The following VPS13A variants were observed in gnomAD, a reference collection of about 807,000 sequenced individuals.
VPS13A encodes intermembrane lipid transfer protein VPS13A.
Under a neutral mutation model 390.9 loss-of-function variants are expected in VPS13A, and 264 were observed. That is an observed-to-expected ratio of 0.68 (90% CI 0.61 to 0.75). VPS13A has a LOEUF of 0.75. Ranked by LOEUF, VPS13A falls within the 30% of genes least tolerant of loss-of-function variation. The probability of loss-of-function intolerance (pLI) is 0.00; values close to 1 mark genes in which losing one functional copy is unlikely to be tolerated. For synonymous variants in VPS13A, 1,231 were observed against 1,227.1 expected, an observed-to-expected ratio of 1.00 and a Z score of -0.07; for missense variants, 3,409 against 3,733.9, an observed-to-expected ratio of 0.91 and a Z score of 2.27.
At chr9:77,282,408 G>A (rs1827091481) in intron 29 of VPS13A, 134 bp downstream of exon 29, 1 of 802,176 alleles carries the variant, frequency 1.2e-6, no homozygotes, top group African/African-American at 1.8e-5. Context: ...TATCTAGAAG[G>A]ATTCATTATA....
In VPS13A at chr9:77,302,888, T is replaced by G. The variant is rs761909538; in HGVS notation, c.3813-27T>G. The G allele has an allele frequency of 2.5e-6, 4 of 1,604,022 alleles. No individual in the cohort carries two copies. In the South Asian group the frequency reaches 4.4e-5, roughly 18 times the overall value. On this transcript the variant is annotated intron_variant, in intron 33 of 71. Transcript: ENST00000360280. ...ACTACCTGAATGTATATGAAACAAT[T>G]TAAAAGAATGTTATCTCTACTTATA...
rs772519124 is a variant in VPS13A at position 77,321,729 on chromosome 9, T to C, written c.5813T>C (p.Leu1938Pro). ...FNAMTSLSSK[L>P]FFILLTPVNH... The stretch of plus-strand genomic sequence containing the variant: ...GCAATGACCAGCCTAAGCAGCAAAC[T>C]CTTCTTCATTCTTCTTAGTAAGTAG... The change falls in exon 44 of 72, where the codon CTC (leucine) becomes CCC (proline). Residue 1938 changes from leucine to proline, a missense_variant. Physicochemically the swap from Leu to Pro is moderately conservative, Grantham distance 98. Around this residue, in one of 5 missense-constraint regions of VPS13A, gnomAD observed 2,717 missense variants for 2,917.4 expected, o/e 0.93. Transcript: ENST00000360280. The C allele has an allele frequency of 3.1e-6, 5 of 1,613,206 alleles. No homozygotes were observed. The highest frequency in any genetic ancestry group is 4.2e-6 in the Non-Finnish European group (5 of 1,179,416).
In VPS13A at chr9:77,382,532, GTACT is replaced by G. The variant is rs1446372622; in HGVS notation, c.9189+452_9189+455del. ...ACCTTATGTATCCTCGTCATTGGTGGTACTTACTTAACCAATTAAACCATTTCTG... is the reference window on the plus strand; with the variant it reads ...ACCTTATGTATCCTCGTCATTGGTGGTACTTAACCAATTAAACCATTTCTG... On this transcript the variant is annotated intron_variant, in intron 68 of 71. Coordinates refer to ENST00000360280, the MANE Select transcript of VPS13A (RefSeq NM_033305.3). The G allele has an allele frequency of 6.6e-6, 8 of 1,217,844 alleles. No homozygotes were observed. In the African/African-American group the frequency reaches 7.9e-5, roughly 12 times the overall value. 75.4% of individuals were successfully genotyped at this position (1,217,844 alleles called of 1,614,324 possible).
intron 5 of VPS13A, among the ~76,000 whole-genome samples, chr9:77,209,158 G>T (rs1240232337): frequency 6.6e-6 from 1 of 152,068 alleles, no homozygotes; most frequent in East Asian, 1.9e-4. Flanking sequence ...ATATATTTTT[G>T]TACTCAGGCA....
chr9:77,273,191 A>T (rs1021941280), intron 23 of VPS13A, 89 bp from the exon 24 acceptor site: 1 of 1,016,234 alleles, frequency 9.8e-7, no homozygotes. Context: ...TTTTGTCAAA[A>T]CTGTTGTAGA....
In VPS13A at chr9:77,340,265, C is replaced by T. The variant is rs755473371; in HGVS notation, c.6862C>T (p.Leu2288=). The T allele has an allele frequency of 8.1e-6, 13 of 1,612,958 alleles. No homozygotes were observed. The highest frequency in any genetic ancestry group is 1.3e-5 in the African/African-American group (1 of 74,852). Residue 2288 remains leucine, a synonymous_variant, in exon 49 of 72, where the codon CTG becomes TTG. Transcript: ENST00000360280. ...GSHGAVKCKG[L]KMDYQVGVTI... ...TCATGGAGCTGTTAAATGTAAAGGC[C>T]TGAAAATGGACTATCAAGTGAGTTC...
intron 58 of VPS13A, 98 bp downstream of exon 58, chr9:77,359,500 A>C (rs1832017795): frequency 9.1e-7 from 1 of 1,102,780 alleles, no homozygotes; most frequent in Non-Finnish European, 1.3e-6. Context: ...TCAAAGATTT[A>C]AGCATAAAAT....
intron 26 of VPS13A, among the ~76,000 whole-genome samples, chr9:77,277,631 C>G (rs1476165460): frequency 2.0e-5 from 3 of 152,166 alleles, no homozygotes; most frequent in Non-Finnish European, 4.4e-5. Context: ...TTTAGTGTCT[C>G]CATAGTTTTA....
At chr9:77,230,225 A>G (rs190949552) in intron 17 of VPS13A, among the ~76,000 whole-genome samples, 30 of 151,560 alleles carry the variant, frequency 2.0e-4, no homozygotes, top group Non-Finnish European at 4.0e-4. Context: ...TTTTCTTTTT[A>G]TTTTTCTTAA....
chr9:77,260,351 CTTTTTTTTT>C (rs750675055), intron 23 of VPS13A, 127 bp downstream of exon 23: 46 of 376,272 alleles, frequency 1.2e-4, no homozygotes, highest in Middle Eastern at 9.9e-4. Context: ...AAGAAAATTA[CTTTTTTTTT>C]TTTTTTTTTT....
rs137925974 is a variant in VPS13A, at chr9:77,270,965, A to G, written c.2428-2315A>G. 3.3e-5 allele frequency among the ~76,000 whole-genome samples: 5 copies of G among 152,336 alleles called. No individual in the cohort carries two copies. In the East Asian group the frequency reaches 5.8e-4, roughly 18 times the overall value. On this transcript the variant is annotated intron_variant, in intron 23 of 71. Transcript: ENST00000360280. ...TCCTTGCAGTAGGTAAAGATACCTT[A>G]GGATATAAAAAGCGCAAATATAACA...
chr9:77,291,746 A>G (rs1362530948), intron 31 of VPS13A, among the ~76,000 whole-genome samples: 7 of 152,244 alleles, frequency 4.6e-5, no homozygotes, highest in South Asian at 2.1e-4. Context: ...GGAGAAGGCA[A>G]GGTGGTTTGG....
intron 54 of VPS13A, among the ~76,000 whole-genome samples, chr9:77,355,588 A>G (rs1831729040): frequency 6.6e-6 from 1 of 152,196 alleles, no homozygotes; most frequent in Admixed American, 6.5e-5. Flanking sequence ...CCAACTGTGC[A>G]TGCAAAATCT....
chr9:77,201,050 A>G (rs1825304799), intron 2 of VPS13A, among the ~76,000 whole-genome samples: 1 of 152,162 alleles, frequency 6.6e-6, no homozygotes. Context: ...ATAAAATGAC[A>G]TTGTAATTGC....
chr9:77,316,508 C>T, intron 39 of VPS13A, 102 bp downstream of exon 39: 1 of 951,696 alleles, frequency 1.1e-6, no homozygotes. Context: ...CAACCTTGCT[C>T]TGTAAAATGT....
chr9:77,409,044 C>G (rs932425843), intron 71 of VPS13A, among the ~76,000 whole-genome samples: 6 of 152,304 alleles, frequency 3.9e-5, no homozygotes, highest in East Asian at 1.9e-4. Context: ...GAGGCACCCC[C>G]CAAGTAGGGG....
chr9:77,315,339 C>G lies in VPS13A; in HGVS notation c.4499C>G (p.Ala1500Gly), dbSNP rs912150723. ...GTCAGAGATGGTTGTGTGACTGATGCGGTCTTTCAAGAAATGTATATTTGT... is the reference window on the plus strand; with the variant it reads ...GTCAGAGATGGTTGTGTGACTGATGGGGTCTTTCAAGAAATGTATATTTGT... ...RKVRDGCVTD[A>G]VFQEMYICAS... Residue 1500 changes from alanine (A) to glycine (G), a missense_variant, in exon 38 of 72, where the codon GCG becomes GGG. By Grantham distance (60) the Ala-to-Gly change is moderately conservative (BLOSUM62 0). Around this residue, in one of 5 missense-constraint regions of VPS13A, gnomAD observed 2,717 missense variants for 2,917.4 expected, o/e 0.93. Coordinates refer to ENST00000360280, the MANE Select transcript of VPS13A (RefSeq NM_033305.3). 7.4e-6 allele frequency: 12 copies of G among 1,613,872 alleles called. No homozygotes were observed. The highest frequency in any genetic ancestry group is 1.0e-5 in the Non-Finnish European group (12 of 1,179,848).
rs148341474 is a variant in VPS13A, at chr9:77,321,278, A to G, written c.5525A>G (p.Asn1842Ser). 5 of 1,610,478 alleles carry G rather than the reference A, an allele frequency of 3.1e-6. No individual in the cohort carries two copies. The highest frequency in any genetic ancestry group is 3.4e-6 in the Non-Finnish European group (4 of 1,177,798). The change falls in exon 43 of 72, where the codon AAC becomes AGC. Residue 1842 changes from asparagine to serine, a missense_variant. Asn to Ser is a conservative substitution (Grantham distance 46). This residue lies in a region of VPS13A where 2,717 missense variants were observed against 2,917.4 expected (regional missense o/e 0.93). Transcript: ENST00000360280. The stretch of plus-strand genomic sequence containing the variant: ...AGTTTCCATTCAAAAGACCAATTAA[A>G]CATTACATTATCCAAATGTGGTCTT... ...VISFHSKDQL[N>S]ITLSKCGLVM...
intron 71 of VPS13A, among the ~76,000 whole-genome samples, chr9:77,408,646 C>A (rs1834746494): frequency 6.6e-6 from 1 of 152,230 alleles, no homozygotes; most frequent in South Asian, 2.1e-4. Flanking sequence ...GAGATTATAT[C>A]CCATGCCTGG....
Sources: allele counts gnomAD v4.1 joint callset (sites outside exome capture counted in the v4.1 genomes callset), GRCh38; gene constraint gnomAD v4.1.1; regional missense constraint gnomAD v4.1.1; transcripts MANE v1.5; gene names NCBI Gene and HGNC (gene_info 2026-07-23, HGNC 2026-07-21).